The following SNX24 variants were observed in gnomAD, a reference collection of about 807,000 sequenced individuals.
The protein encoded by SNX24 is sorting nexin 24, also known as sorting nexin-24.
SNX24 carries 22 observed loss-of-function variants against 28.7 expected under a neutral mutation model. The observed-to-expected ratio is 0.77, with a 90% confidence interval of 0.55 to 1.10. SNX24 has a LOEUF of 1.10. Ranked by LOEUF, SNX24 falls within the 50% of genes least tolerant of loss-of-function variation. SNX24 has a pLI of 0.00. For synonymous variants in SNX24, 69 were observed against 71.5 expected, an observed-to-expected ratio of 0.96 and a Z score of 0.18; for missense variants, 221 against 201.1, an observed-to-expected ratio of 1.10 and a Z score of -0.60.
At chr5:122,903,170 G>T (rs570352879) in intron 1 of SNX24, among the ~76,000 whole-genome samples, 1 of 151,962 alleles carries the variant, frequency 6.6e-6, no homozygotes, top group South Asian at 2.1e-4. Flanking sequence ...GCAGTGGCAC[G>T]ATCGTGGCTC....
intron 1 of SNX24, among the ~76,000 whole-genome samples, chr5:122,915,253 C>T (rs1758107506): frequency 6.6e-6 from 1 of 152,190 alleles, no homozygotes; most frequent in African/African-American, 2.4e-5. Flanking sequence ...TCATCTCACC[C>T]TGGTCTGCTG....
chr5:122,996,478 C>T (rs1762057618), intron 3 of SNX24, among the ~76,000 whole-genome samples: 1 of 152,186 alleles, frequency 6.6e-6, no homozygotes, highest in Non-Finnish European at 1.5e-5. Context: ...TTATCTGATA[C>T]TCAAAAATAT....
At chr5:122,893,402 G>T (rs1757064482) in intron 1 of SNX24, among the ~76,000 whole-genome samples, 1 of 151,958 alleles carries the variant, frequency 6.6e-6, no homozygotes, top group Non-Finnish European at 1.5e-5. Flanking sequence ...TTGGATAATG[G>T]TATGTAGAAA....
At chr5:122,980,776 A>G (rs1761359125) in intron 3 of SNX24, among the ~76,000 whole-genome samples, 1 of 151,492 alleles carries the variant, frequency 6.6e-6, no homozygotes, top group Admixed American at 6.6e-5. Context: ...ATGAGCTTTC[A>G]TTTCCAAGGT....
At position 123,027,962 on chromosome 5, in the gene SNX24, CTA is replaced by C. The variant is rs1170059148; in HGVS notation, n.384-1274_384-1273del. 4.6e-5 allele frequency among the ~76,000 whole-genome samples: 7 copies of C among 152,314 alleles called. No individual in the cohort carries two copies. The East Asian group carries it at 1.4e-3, about 29-fold the overall frequency. Reference sequence around the variant, plus strand: ...GAGATTTGAAACTCTCTAAATTTAACTATCTCTACTTTATTGAACTCCAACTT... The same window carrying C: ...GAGATTTGAAACTCTCTAAATTTAACTCTCTACTTTATTGAACTCCAACTT... On this transcript the variant is annotated intron_variant and non_coding_transcript_variant, in intron 5 of 5. Transcript: ENST00000502387.
chr5:122,871,073 G>C (rs972733317), intron 1 of SNX24, among the ~76,000 whole-genome samples: 2 of 152,208 alleles, frequency 1.3e-5, no homozygotes, highest in African/African-American at 4.8e-5. Flanking sequence ...GTTATGAACA[G>C]TGGAAGGTGA....
chr5:122,883,152 G>T (rs1451031482), intron 1 of SNX24, among the ~76,000 whole-genome samples: 1 of 152,124 alleles, frequency 6.6e-6, no homozygotes, highest in Non-Finnish European at 1.5e-5. Flanking sequence ...CTTTAACACG[G>T]GTTTCTAATC....
chr5:122,937,124 T>G (rs1459355200), intron 2 of SNX24, among the ~76,000 whole-genome samples: 1 of 152,216 alleles, frequency 6.6e-6, no homozygotes, highest in Non-Finnish European at 1.5e-5. Context: ...GTTTTATCCA[T>G]GAAATGCACT....
At chr5:122,891,408 T>A (rs1382123956) in intron 1 of SNX24, among the ~76,000 whole-genome samples, 1 of 152,204 alleles carries the variant, frequency 6.6e-6, no homozygotes, top group Non-Finnish European at 1.5e-5. Context: ...TATTGGCACA[T>A]ACACTTGAAG....
intron 1 of SNX24, among the ~76,000 whole-genome samples, chr5:122,902,177 A>G (rs777685135): frequency 1.3e-5 from 2 of 152,134 alleles, no homozygotes; most frequent in Non-Finnish European, 2.9e-5. Flanking sequence ...CTCTTCTCAT[A>G]GGCTGTACCC....
At chr5:122,963,981 G>A (rs1183671477) in intron 3 of SNX24, among the ~76,000 whole-genome samples, 2 of 152,084 alleles carry the variant, frequency 1.3e-5, no homozygotes, top group Non-Finnish European at 2.9e-5. Flanking sequence ...GATGGCTCAT[G>A]CCTGTAATCC....
intron 5 of SNX24, among the ~76,000 whole-genome samples, chr5:123,018,906 C>G (rs1256314804): frequency 6.6e-6 from 1 of 152,154 alleles, no homozygotes; most frequent in African/African-American, 2.4e-5. Flanking sequence ...AGGCTGGTCT[C>G]GAACTCCTGA....
At chr5:122,867,901 C>T (rs1381549393) in intron 1 of SNX24, among the ~76,000 whole-genome samples, 5 of 152,158 alleles carry the variant, frequency 3.3e-5, no homozygotes, top group African/African-American at 7.2e-5. Context: ...GGCCACAGCC[C>T]CTGAATTGTT....
intron 1 of SNX24, among the ~76,000 whole-genome samples, chr5:122,919,981 G>C (rs1758351725): frequency 6.6e-6 from 1 of 152,216 alleles, no homozygotes; most frequent in South Asian, 2.1e-4. Flanking sequence ...ATCCTTTCCT[G>C]AGAATGAGGG....
At position 122,965,282 on chromosome 5, in the gene SNX24, C is replaced by T. The variant is rs543008445; in HGVS notation, c.249+19123C>T. Among the ~76,000 whole-genome samples, 17 of 152,334 alleles carry T rather than the reference C, an allele frequency of 1.1e-4. 1 individual carries two copies. The highest frequency in any genetic ancestry group is 3.1e-4 in the African/African-American group (13 of 41,578). On this transcript the variant is annotated intron_variant, in intron 3 of 6. Transcript: ENST00000261369. The stretch of plus-strand genomic sequence containing the variant: ...AACCTTGCCCTCTCACACAGACTCT[C>T]AGCAGATTAGGCCCTCAGCCTGGAG...
At chr5:122,921,110 A>G (rs537703961) in intron 1 of SNX24, among the ~76,000 whole-genome samples, 1 of 151,898 alleles carries the variant, frequency 6.6e-6, no homozygotes, top group Non-Finnish European at 1.5e-5. Context: ...TATTATGCAC[A>G]TGTATTTACT....
intron 3 of SNX24, among the ~76,000 whole-genome samples, chr5:122,955,623 G>C (rs978788083): frequency 6.6e-6 from 1 of 152,130 alleles, no homozygotes; most frequent in African/African-American, 2.4e-5. Context: ...CTTGGCCCTC[G>C]TTGATACCTG....
rs186570626 is a variant in SNX24, at chr5:122,986,162, G to T, written c.250-13750G>T. Among the ~76,000 whole-genome samples the T allele has an allele frequency of 1.2e-4, 18 of 152,184 alleles. No individual in the cohort carries two copies. The East Asian group carries it at 3.3e-3, about 28-fold the overall frequency. Reference sequence around the variant, plus strand: ...ACAGTGATGGGTCATAGAGAGGCAGGGTTTTTTATTGTTGTTCAAAGAAAT... The same window carrying T: ...ACAGTGATGGGTCATAGAGAGGCAGTGTTTTTTATTGTTGTTCAAAGAAAT... On this transcript the variant is annotated intron_variant, in intron 3 of 6. Coordinates refer to ENST00000261369, the MANE Select transcript of SNX24 (RefSeq NM_014035.4).
downstream of SNX24, among the ~76,000 whole-genome samples, chr5:123,013,792 A>T (rs1762634807): frequency 6.6e-6 from 1 of 151,620 alleles, no homozygotes; most frequent in African/African-American, 2.4e-5. Context: ...ACTCCTATGA[A>T]CTCCTATGTA....
Sources: allele counts gnomAD v4.1 joint callset (sites outside exome capture counted in the v4.1 genomes callset), GRCh38; gene constraint gnomAD v4.1.1; transcripts MANE v1.5; gene names NCBI Gene and HGNC (gene_info 2026-07-23, HGNC 2026-07-21).